TAF4: variants seen among roughly 807,000 people sequenced by gnomAD.
TAF4 encodes the protein transcription initiation factor TFIID subunit 4.
In TAF4, 9 loss-of-function variants were observed where a neutral mutation model predicts 90.3. The observed-to-expected ratio is 0.10, with a 90% CI of 0.06 to 0.17. The LOEUF is 0.17. TAF4 is among the 10% of genes least tolerant of loss of function. The pLI, the probability that TAF4 is intolerant of heterozygous loss-of-function variation, is 1.00. For missense variants in TAF4, 1,351 were observed against 1,370.7 expected (o/e 0.99, Z 0.23); for synonymous variants, 818 against 638.9 (o/e 1.28, Z -4.23).
At position 61,990,366 on chromosome 20, in the gene TAF4, T is replaced by C. The variant is rs147962968; in HGVS notation, c.3090+7184A>G. 2.3e-3 allele frequency among the ~76,000 whole-genome samples: 349 copies of C among 152,322 alleles called. 5 individuals are homozygous for C. Among genetic ancestry groups the C allele is most frequent in the East Asian group, 0.021 (109 of 5,188 alleles). On this transcript the variant is annotated intron_variant, in intron 14 of 14. Transcript: ENST00000252996. ...TAAAATAAGTAATTTTCAAAGTTAA[T>C]GTATTCTGGAAGACGATGACAGGGG...
At chr20:62,033,110 G>A (rs1019728529) in intron 1 of TAF4, among the ~76,000 whole-genome samples, 4 of 152,192 alleles carry the variant, frequency 2.6e-5, no homozygotes, top group Admixed American at 6.5e-5. Flanking sequence ...CCTAGGAAGA[G>A]CAGGGCAGAG....
chr20:61,978,040 C>T (rs1229286130), intron 14 of TAF4, among the ~76,000 whole-genome samples: 12 of 133,844 alleles, frequency 9.0e-5, no homozygotes, highest in Admixed American at 9.0e-4. Context: ...AGGGAGGGCA[C>T]GAGACCAACC....
rs558672932 is a variant in TAF4, at chr20:62,020,334, C to T, written c.1361-5627G>A. 6.6e-5 allele frequency among the ~76,000 whole-genome samples: 10 copies of T among 152,360 alleles called. No individual in the cohort carries two copies. The East Asian group carries it at 1.7e-3, about 26-fold the overall frequency. On this transcript the variant is annotated intron_variant, in intron 1 of 14. Coordinates refer to ENST00000252996, the MANE Select transcript of TAF4 (RefSeq NM_003185.4). The stretch of plus-strand genomic sequence containing the variant: ...CTCAGCCCCAGCTCTCCTCCTGAGG[C>T]TACAGGACTCTCTGGCACAAGCATC...
In TAF4 at chr20:62,000,698, A is replaced by C. The variant is rs2055694391; in HGVS notation, c.2510T>G (p.Val837Gly). The C allele has an allele frequency of 6.2e-7, 1 of 1,614,130 alleles. No homozygotes were observed. Among genetic ancestry groups the C allele is most frequent in the African/African-American group, 1.3e-5 (1 of 74,952 alleles). ...CAAGTTTACTCCAGCCATCGATGCAACATCATTAATGTCATCATCGTCCCT... is the reference window on the plus strand; with the variant it reads ...CAAGTTTACTCCAGCCATCGATGCACCATCATTAATGTCATCATCGTCCCT... ...SFRDDDDIND[V>G]ASMAGVNLSE... Residue 837 changes from valine to glycine, a missense_variant, in exon 10 of 15, where the codon GTT (valine) becomes GGT (glycine). Val to Gly is a moderately radical substitution (Grantham distance 109). Coordinates refer to ENST00000252996, the MANE Select transcript of TAF4 (RefSeq NM_003185.4).
At chr20:62,032,433 G>A (rs891389540) in intron 1 of TAF4, among the ~76,000 whole-genome samples, 11 of 152,214 alleles carry the variant, frequency 7.2e-5, no homozygotes, top group Admixed American at 7.2e-4. Flanking sequence ...ACAGAGGCTG[G>A]GGAAGGGAGA....
intron 14 of TAF4, among the ~76,000 whole-genome samples, chr20:61,993,695 G>A (rs868708358): frequency 2.6e-5 from 4 of 152,044 alleles, no homozygotes; most frequent in South Asian, 2.1e-4. Context: ...GATGTGGTGG[G>A]GCACATAAAA....
At chr20:61,998,898 C>G in intron 12 of TAF4, 85 bp downstream of exon 12, 1 of 1,553,538 alleles carries the variant, frequency 6.4e-7, no homozygotes, top group Non-Finnish European at 8.7e-7. Context: ...TCTGACCACC[C>G]AAAACCCCAC....
intron 1 of TAF4, among the ~76,000 whole-genome samples, chr20:62,061,908 G>C (rs984935401): frequency 6.6e-6 from 1 of 152,170 alleles, no homozygotes; most frequent in Non-Finnish European, 1.5e-5. Context: ...AACATACCCG[G>C]TGTGCACTAT....
chr20:62,035,391 G>A (rs1319892618), intron 1 of TAF4, among the ~76,000 whole-genome samples: 1 of 152,180 alleles, frequency 6.6e-6, no homozygotes, highest in African/African-American at 2.4e-5. Flanking sequence ...CAACCGACAG[G>A]CTAGAAACGG....
chr20:62,045,138 C>A (rs1015551674), intron 1 of TAF4, among the ~76,000 whole-genome samples: 12 of 152,238 alleles, frequency 7.9e-5, no homozygotes, highest in Non-Finnish European at 1.6e-4. Context: ...GAGAGACAGT[C>A]TAGCCACACT....
intron 1 of TAF4, among the ~76,000 whole-genome samples, chr20:62,030,495 T>C (rs1221547252): frequency 6.6e-6 from 1 of 152,264 alleles, no homozygotes; most frequent in Non-Finnish European, 1.5e-5. Context: ...GCAGTGCCCA[T>C]TTCGGCTTTT....
chr20:61,988,944 C>A (rs1382773400), intron 14 of TAF4, among the ~76,000 whole-genome samples: 2 of 152,170 alleles, frequency 1.3e-5, no homozygotes, highest in African/African-American at 4.8e-5. Flanking sequence ...CTTTCCCATC[C>A]AATCCTCCCT....
intron 1 of TAF4, among the ~76,000 whole-genome samples, chr20:62,051,987 C>A (rs969348133): frequency 2.0e-5 from 3 of 152,156 alleles, no homozygotes; most frequent in African/African-American, 7.2e-5. Context: ...CGACCAAACC[C>A]CTGCAGGGCC....
intron 1 of TAF4, among the ~76,000 whole-genome samples, chr20:62,022,231 C>CA (rs1954862517): frequency 6.6e-6 from 1 of 152,084 alleles, no homozygotes; most frequent in Non-Finnish European, 1.5e-5. Flanking sequence ...GCTGTGCTGT[C>CA]AGTCAGCTGC....
At position 62,010,793 on chromosome 20, in the gene TAF4, C is replaced by T. The variant is rs1600842323; in HGVS notation, c.1642-628G>A. ...TCAAACTGTCAGAAAGGAGGGGCTG[C>T]TTTGCTAAGCAAATGAACAGCCAGA... On this transcript the variant is annotated intron_variant, in intron 3 of 14. Transcript: ENST00000252996. This position sits in a 1 kb window ranked among gnomAD's most constrained non-coding sequence, Gnocchi z 4.5. 6.6e-6 allele frequency among the ~76,000 whole-genome samples: 1 copy of T among 152,236 alleles called. No homozygotes were observed. Among genetic ancestry groups the T allele is most frequent in the African/African-American group, 2.4e-5 (1 of 41,472 alleles).
At chr20:62,029,110 G>C (rs1256758185) in intron 1 of TAF4, among the ~76,000 whole-genome samples, 1 of 151,736 alleles carries the variant, frequency 6.6e-6, no homozygotes, top group Non-Finnish European at 1.5e-5. Context: ...GCAGGAGAAT[G>C]GTGTGAACCC....
At chr20:62,053,275 C>T (rs775424762) in intron 1 of TAF4, among the ~76,000 whole-genome samples, 2 of 152,206 alleles carry the variant, frequency 1.3e-5, no homozygotes, top group Non-Finnish European at 2.9e-5. Context: ...GGGAGAGCCA[C>T]GGCGGCCCTG....
intron 14 of TAF4, among the ~76,000 whole-genome samples, chr20:61,979,926 G>A (rs1271371320): frequency 2.0e-5 from 3 of 152,246 alleles, no homozygotes; most frequent in Admixed American, 6.5e-5. Context: ...GCGCAATGGC[G>A]CAAAACAGAG....
intron 1 of TAF4, among the ~76,000 whole-genome samples, chr20:62,034,061 A>G (rs985927990): frequency 5.3e-5 from 8 of 151,922 alleles, no homozygotes; most frequent in African/African-American, 1.9e-4. Context: ...AAAAAAGAAA[A>G]TGAGTGGGAA....
Sources: gnomAD v4.1 joint callset for allele counts (sites outside exome capture counted in the v4.1 genomes callset) on GRCh38, gnomAD v4.1.1 for gene constraint, Gnocchi (gnomAD v3.1) non-coding constraint, MANE v1.5 for transcripts, NCBI Gene and HGNC (gene_info 2026-07-23, HGNC 2026-07-21) for gene names.